Variants in PKD1L1 observed in about 807,000 individuals in gnomAD.
PKD1L1 encodes the protein polycystin-1-like protein 1.
PKD1L1 carries 236 observed loss-of-function variants against 323.4 expected under a neutral mutation model. That is an observed-to-expected ratio of 0.73 (90% CI 0.66 to 0.81). PKD1L1 has a LOEUF of 0.81. Among genes scored for constraint, PKD1L1 ranks in the 40% least tolerant of loss-of-function variants. PKD1L1 has a pLI of 0.00. For synonymous variants in PKD1L1, 1,344 were observed against 1,335.0 expected, an observed-to-expected ratio of 1.01 and a Z score of -0.15; for missense variants, 3,320 against 3,508.0, an observed-to-expected ratio of 0.95 and a Z score of 1.35.
chr7:47,879,944 A>C (rs1786501829), intron 21 of PKD1L1, among the ~76,000 whole-genome samples: 1 of 118,670 alleles, frequency 8.4e-6, no homozygotes, highest in Non-Finnish European at 1.7e-5. Context: ...AAAAAAATAA[A>C]AAATAAAAAA....
At chr7:47,896,310 A>G (rs1398851662) in intron 14 of PKD1L1, among the ~76,000 whole-genome samples, 1 of 148,296 alleles carries the variant, frequency 6.7e-6, no homozygotes, top group Non-Finnish European at 1.5e-5. Context: ...AGCCTGGGCA[A>G]CAGAGTGAGA....
At chr7:47,888,266 T>A (rs747276763) in intron 16 of PKD1L1, 116 bp from the exon 17 acceptor site, 52 of 1,048,784 alleles carry the variant, frequency 5.0e-5, no homozygotes, top group Non-Finnish European at 7.2e-5. Context: ...ATTAAGGGAC[T>A]TCAATAGCAA....
At chr7:47,910,675 T>A (rs1787301748) in intron 8 of PKD1L1, among the ~76,000 whole-genome samples, 1 of 150,010 alleles carries the variant, frequency 6.7e-6, no homozygotes, top group Admixed American at 6.6e-5. Flanking sequence ...TTTTTTTTTT[T>A]AAGATAGAGT....
At chr7:47,891,782 T>C (rs1786823246) in intron 15 of PKD1L1, among the ~76,000 whole-genome samples, 1 of 152,206 alleles carries the variant, frequency 6.6e-6, no homozygotes, top group South Asian at 2.1e-4. Context: ...TTTTGGGCAC[T>C]GTGCAGGTGC....
chr7:47,895,725 G>A (rs1786921709), intron 14 of PKD1L1, among the ~76,000 whole-genome samples: 2 of 152,280 alleles, frequency 1.3e-5, no homozygotes, highest in East Asian at 1.9e-4. Context: ...ACTTAAATGC[G>A]TAGTCAAACT....
rs926375689 is a variant in PKD1L1 at position 47,800,526 on chromosome 7, A to T, written c.8193+123T>A. ...AGGGCAGGTGAGCTGGACGGCAGGG[A>T]TTCATTACCATGAGATCTGGCCTGT... On this transcript the variant is annotated intron_variant, in intron 54 of 56. Coordinates refer to ENST00000289672, the MANE Select transcript of PKD1L1 (RefSeq NM_138295.5). 6.1e-6 allele frequency: 6 copies of T among 988,892 alleles called. No homozygotes were observed. In the East Asian group the frequency reaches 1.6e-4, roughly 26 times the overall value. The allele number at this position is 988,892 out of a possible 1,614,324, so 61.3% of individuals were successfully genotyped here.
At chr7:47,931,076 G>A in intron 6 of PKD1L1, 28 bp downstream of exon 6, 1 of 1,599,992 alleles carries the variant, frequency 6.3e-7, no homozygotes, top group Non-Finnish European at 8.6e-7. Flanking sequence ...GAGAAGTGGT[G>A]CTGGCCTCCA....
intron 3 of PKD1L1, 36 bp downstream of exon 3, chr7:47,940,157 G>A: frequency 5.6e-6 from 9 of 1,613,762 alleles, no homozygotes; most frequent in Non-Finnish European, 7.6e-6. Flanking sequence ...ACTGTATTCA[G>A]GAAGAAAAGC....
At chr7:47,850,177 A>C (rs899288010) in intron 31 of PKD1L1, among the ~76,000 whole-genome samples, 1 of 152,234 alleles carries the variant, frequency 6.6e-6, no homozygotes, top group Non-Finnish European at 1.5e-5. Context: ...ATAAAATAAA[A>C]TAAAGGAAAC....
intron 1 of PKD1L1, 26 bp from the exon 2 acceptor site, chr7:47,943,537 AAAATT>A (rs772035043): frequency 6.4e-7 from 1 of 1,565,002 alleles, no homozygotes; most frequent in Non-Finnish European, 8.8e-7. Context: ...TAACCAGAGG[AAAATT>A]AAATTAAGTA....
chr7:47,794,980 T>A (rs2128724227), intron 55 of PKD1L1, among the ~76,000 whole-genome samples: 1 of 152,292 alleles, frequency 6.6e-6, no homozygotes, highest in South Asian at 2.1e-4. Context: ...ATCTAGGAAG[T>A]AACTAACTTA....
intron 46 of PKD1L1, among the ~76,000 whole-genome samples, chr7:47,816,194 T>C (rs1369129897): frequency 6.6e-6 from 1 of 152,210 alleles, no homozygotes; most frequent in Non-Finnish European, 1.5e-5. Flanking sequence ...TGCCTGTGAG[T>C]GGCAGATGTG....
At chr7:47,901,327 C>CAAAAAAAAA (rs71699736) in intron 13 of PKD1L1, among the ~76,000 whole-genome samples, 1 of 62,616 alleles carries the variant, frequency 1.6e-5, no homozygotes, top group Non-Finnish European at 3.6e-5. Context: ...AACAGAGTCT[C>CAAAAAAAAA]AAAAAAAAAA....
At chr7:47,937,130 C>T (rs1412447470) in intron 3 of PKD1L1, among the ~76,000 whole-genome samples, 172 bp from the exon 4 acceptor site, 2 of 151,996 alleles carry the variant, frequency 1.3e-5, no homozygotes, top group Non-Finnish European at 2.9e-5. Context: ...CTTCATCCTC[C>T]CAGGGCTCCT....
intron 14 of PKD1L1, among the ~76,000 whole-genome samples, chr7:47,895,850 T>C (rs1428252979): frequency 6.6e-6 from 1 of 152,174 alleles, no homozygotes; most frequent in Non-Finnish European, 1.5e-5. Context: ...AATTAGTTGA[T>C]GTTTGGTGGT....
chr7:47,888,270 A>G (rs1338248773), intron 16 of PKD1L1, 120 bp from the exon 17 acceptor site: 2 of 1,004,246 alleles, frequency 2.0e-6, no homozygotes, highest in African/African-American at 1.6e-5. Context: ...AGGGACTTCA[A>G]TAGCAATGTC....
intron 50 of PKD1L1, 98 bp downstream of exon 50, chr7:47,811,718 TG>T: frequency 1.1e-6 from 1 of 902,330 alleles, no homozygotes; most frequent in Non-Finnish European, 1.7e-6. Context: ...GGCAGGTGAA[TG>T]GGTAGGGAAC....
chr7:47,834,502 G>C (rs911770112), intron 39 of PKD1L1, 117 bp from the exon 40 acceptor site: 62 of 829,888 alleles, frequency 7.5e-5, no homozygotes, highest in Non-Finnish European at 1.1e-4. Context: ...CTTCCTTCCT[G>C]ACTCAGCCAG....
At chr7:47,920,056 A>G (rs1239990525) in intron 7 of PKD1L1, among the ~76,000 whole-genome samples, 1 of 152,188 alleles carries the variant, frequency 6.6e-6, no homozygotes, top group Non-Finnish European at 1.5e-5. Flanking sequence ...CCAAATCAGT[A>G]AAGAGGAATT....
Sources: gnomAD v4.1 joint callset for allele counts (sites outside exome capture counted in the v4.1 genomes callset) on GRCh38, gnomAD v4.1.1 for gene constraint, MANE v1.5 for transcripts, NCBI Gene and HGNC (gene_info 2026-07-23, HGNC 2026-07-21) for gene names.